Variants in WDFY4 observed in about 807,000 individuals in gnomAD.
The protein encoded by WDFY4 is WDFY family member 4, also known as WD repeat- and FYVE domain-containing protein 4.
A neutral mutation model predicts 351.9 loss-of-function variants in WDFY4; 169 were observed. That is an observed-to-expected ratio of 0.48 (90% CI 0.42 to 0.55). The LOEUF is 0.55. Among genes scored for constraint, WDFY4 ranks in the 20% least tolerant of loss-of-function variants. WDFY4 has a pLI of 0.00. For synonymous variants in WDFY4, 1,622 were observed against 1,574.6 expected (o/e 1.03, Z -0.71); for missense variants, 3,803 against 3,935.6 (o/e 0.97, Z 0.90).
chr10:48,762,366 T>C (rs1459448990), intron 13 of WDFY4, among the ~76,000 whole-genome samples: 1 of 152,232 alleles, frequency 6.6e-6, no homozygotes, highest in African/African-American at 2.4e-5. Context: ...TTCTTGTTCC[T>C]GCTCCTGTTC....
At chr10:48,722,927 T>C (rs10508905) in intron 4 of WDFY4, among the ~76,000 whole-genome samples, 17,246 of 152,188 alleles carry the variant, frequency 0.11, 1,261 homozygotes, top group East Asian at 0.33. Flanking sequence ...TTGCACTCTT[T>C]GGACCTTGAC....
intron 47 of WDFY4, among the ~76,000 whole-genome samples, chr10:48,924,440 G>A (rs1320643702): frequency 6.6e-6 from 1 of 152,196 alleles, no homozygotes; most frequent in African/African-American, 2.4e-5. Flanking sequence ...CCCACACAAG[G>A]GAAGCTGATA....
At chr10:48,791,541 G>A (rs1364593850) in intron 23 of WDFY4, among the ~76,000 whole-genome samples, 1 of 152,216 alleles carries the variant, frequency 6.6e-6, no homozygotes, top group African/African-American at 2.4e-5. Context: ...TGTGTTGAGA[G>A]CTTAGAGGAG....
intron 47 of WDFY4, among the ~76,000 whole-genome samples, chr10:48,927,753 T>C (rs984095831): frequency 3.6e-4 from 55 of 152,196 alleles, no homozygotes; most frequent in African/African-American, 1.3e-3. Context: ...GGAGCAAAAG[T>C]TCCCAAGAGG....
chr10:48,791,516 A>G (rs888270639), intron 23 of WDFY4, among the ~76,000 whole-genome samples: 1 of 152,154 alleles, frequency 6.6e-6, no homozygotes, highest in African/African-American at 2.4e-5. Context: ...CAGGGTTGTG[A>G]TGACTGTGTT....
rs2064163136 is a variant in WDFY4 at position 48,723,578 on chromosome 10, G to A, written c.591+11G>A. 1 of 1,551,568 alleles carries A rather than the reference G, an allele frequency of 6.4e-7. No individual in the cohort carries two copies. The highest frequency in any genetic ancestry group is 2.0e-5 in the Admixed American group (1 of 50,976). ...AAGATGTTCGTGCAGGTGAGTTCAA[G>A]GAGGGCCTCCAATTCCCTGGGTCAA... On this transcript the variant is annotated intron_variant, in intron 5 of 61. Transcript: ENST00000325239.
At chr10:48,778,027 G>A (rs1217979515) in intron 17 of WDFY4, among the ~76,000 whole-genome samples, 2 of 152,250 alleles carry the variant, frequency 1.3e-5, no homozygotes, top group Non-Finnish European at 2.9e-5. Flanking sequence ...TCTTTGGCAA[G>A]TGGCTTCTAT....
intron 47 of WDFY4, among the ~76,000 whole-genome samples, chr10:48,917,792 T>C (rs1386499245): frequency 2.0e-5 from 3 of 152,240 alleles, no homozygotes; most frequent in African/African-American, 7.2e-5. Flanking sequence ...ACTTTGGGGA[T>C]AAAGGAAGTG....
intron 57 of WDFY4, among the ~76,000 whole-genome samples, chr10:48,970,972 T>A (rs1284263570): frequency 6.6e-6 from 1 of 152,168 alleles, no homozygotes; most frequent in Non-Finnish European, 1.5e-5. Context: ...CCCTTCTGTA[T>A]ACTAATTTTT....
At chr10:48,820,524 C>G in intron 33 of WDFY4, 87 bp downstream of exon 33, 2 of 1,418,412 alleles carry the variant, frequency 1.4e-6, no homozygotes, top group Non-Finnish European at 1.9e-6. Context: ...CCCAGGGAGA[C>G]AGAGGGCCTG....
intron 12 of WDFY4, among the ~76,000 whole-genome samples, chr10:48,754,148 T>A (rs1348905498): frequency 6.6e-6 from 1 of 152,182 alleles, no homozygotes; most frequent in Non-Finnish European, 1.5e-5. Context: ...TTTAATATGC[T>A]GTTGAATTTA....
rs1055485617 is a variant in WDFY4, at chr10:48,778,959, G to A, written c.3397+127G>A. On this transcript the variant is annotated intron_variant, in intron 18 of 61. Coordinates refer to ENST00000325239, the MANE Select transcript of WDFY4 (RefSeq NM_001394531.1). ...CTGTTTCTCCTCATCCTTTGAAATT[G>A]CTCCCTTGGGTTCCATACCTGGTGA... The A allele has an allele frequency of 8.8e-5, 95 of 1,083,730 alleles. No homozygotes were observed. The African/African-American group carries it at 1.3e-3, about 14-fold the overall frequency. The allele number at this position is 1,083,730 out of a possible 1,614,324, so 67.1% of individuals were successfully genotyped here.
intron 49 of WDFY4, 106 bp from the exon 50 acceptor site, chr10:48,945,934 C>A: frequency 1.3e-6 from 1 of 777,642 alleles, no homozygotes; most frequent in Non-Finnish European, 2.0e-6. Flanking sequence ...GCAGGTCAGA[C>A]CAAATGACTG....
Position 48,817,393 on chromosome 10 carries a change from C to A in WDFY4, c.5489C>A (p.Pro1830His). ...CAGACCTTGGCCATAGCCGCCTTCC[C>A]CCTGGGAGCCCAAAAGGTAGGACAT... ...FLQTLAIAAF[P>H]LGAQKGVGAE... Residue 1830 changes from proline to histidine, a missense_variant, in exon 32 of 62, where the codon CCC becomes CAC. Coordinates refer to ENST00000325239, the MANE Select transcript of WDFY4 (RefSeq NM_001394531.1). 6.4e-7 allele frequency: 1 copy of A among 1,550,592 alleles called. No homozygotes were observed.
At chr10:48,723,688 TC>T in intron 5 of WDFY4, 121 bp downstream of exon 5, 1 of 1,345,428 alleles carries the variant, frequency 7.4e-7, no homozygotes, top group Non-Finnish European at 1.0e-6. Flanking sequence ...TCCTCTGTTC[TC>T]CCAGAGGGTC....
chr10:48,752,890 T>C lies in WDFY4; in HGVS notation c.2460-7457T>C, dbSNP rs561314606. Reference sequence around the variant, plus strand: ...CTTGTTTTGAATTCTTTTGAATATATACCTAGGAGTAGAATTGTAGCTCAA... The same window carrying C: ...CTTGTTTTGAATTCTTTTGAATATACACCTAGGAGTAGAATTGTAGCTCAA... On this transcript the variant is annotated intron_variant, in intron 12 of 61. Coordinates refer to ENST00000325239, the MANE Select transcript of WDFY4 (RefSeq NM_001394531.1). Among the ~76,000 whole-genome samples, 6 of 152,352 alleles carry C rather than the reference T, an allele frequency of 3.9e-5. No homozygotes were observed. In the East Asian group the frequency reaches 1.2e-3, roughly 29 times the overall value.
rs1322081109 is a variant in WDFY4, at chr10:48,914,175, G to A, written c.7586+12312G>A. On this transcript the variant is annotated intron_variant, in intron 47 of 61. Transcript: ENST00000325239. ...AACCATGTTCTTTTAGTAAGGGAGTGTTAGAAGTTTATTGTTCTGATTGGA... is the reference window on the plus strand; with the variant it reads ...AACCATGTTCTTTTAGTAAGGGAGTATTAGAAGTTTATTGTTCTGATTGGA... 14 of 1,603,838 alleles carry A rather than the reference G, an allele frequency of 8.7e-6. No individual in the cohort carries two copies. In the South Asian group the frequency reaches 8.9e-5, roughly 10 times the overall value.
chr10:48,718,995 A>G (rs1589446560), intron 2 of WDFY4, among the ~76,000 whole-genome samples: 1 of 152,202 alleles, frequency 6.6e-6, no homozygotes, highest in Non-Finnish European at 1.5e-5. Flanking sequence ...TTTTAAGGAA[A>G]CTGAAAAAGA....
At chr10:48,963,189 AAAC>A (rs1188116953) in intron 53 of WDFY4, among the ~76,000 whole-genome samples, 2 of 152,216 alleles carry the variant, frequency 1.3e-5, no homozygotes, top group Non-Finnish European at 2.9e-5. Context: ...TCATGGGAGG[AAAC>A]AACACCTGTG....
Sources: allele counts gnomAD v4.1 joint callset (sites outside exome capture counted in the v4.1 genomes callset), GRCh38; gene constraint gnomAD v4.1.1; transcripts MANE v1.5; gene names NCBI Gene and HGNC (gene_info 2026-07-23, HGNC 2026-07-21).